NSMCE1: variants seen among roughly 807,000 people sequenced by gnomAD.
The protein encoded by NSMCE1 is NSE1 component of SMC5/6 complex.
Under a neutral mutation model 29.6 loss-of-function variants are expected in NSMCE1, and 18 were observed. That is an observed-to-expected ratio of 0.61 (90% CI 0.42 to 0.90). NSMCE1 has a LOEUF of 0.90. Among genes scored for constraint, NSMCE1 ranks in the 40% least tolerant of loss-of-function variants. The probability of loss-of-function intolerance (pLI) is 0.00; values close to 1 mark genes in which losing one functional copy is unlikely to be tolerated. For missense variants in NSMCE1, 314 were observed against 343.6 expected, an observed-to-expected ratio of 0.91 and a Z score of 0.68; for synonymous variants, 124 against 133.4, an observed-to-expected ratio of 0.93 and a Z score of 0.49.
chr16:27,226,001 C>T, intron 6 of NSMCE1, 155 bp from the exon 7 acceptor site: 1 of 804,172 alleles, frequency 1.2e-6, no homozygotes, highest in Non-Finnish European at 1.9e-6. Context: ...CGCCTTAGTG[C>T]AGTGGAGTCT....
At chr16:27,259,157 C>T (rs1461483672) in intron 1 of NSMCE1, among the ~76,000 whole-genome samples, 1 of 152,104 alleles carries the variant, frequency 6.6e-6, no homozygotes, top group Non-Finnish European at 1.5e-5. Flanking sequence ...TCCATCTCAC[C>T]AAATCTGCAC....
At chr16:27,233,172 C>G (rs1301222148) in intron 4 of NSMCE1, 25 bp from the exon 5 acceptor site, 1 of 1,600,614 alleles carries the variant, frequency 6.2e-7, no homozygotes, top group East Asian at 2.2e-5. Context: ...AGGTATCATG[C>G]TCATCTATTA....
chr16:27,238,050 C>T (rs2083845578), intron 2 of NSMCE1, among the ~76,000 whole-genome samples: 1 of 152,150 alleles, frequency 6.6e-6, no homozygotes, highest in South Asian at 2.1e-4. Flanking sequence ...CCTTGCAGCT[C>T]CTCTTAATCG....
chr16:27,226,253 G>C, intron 6 of NSMCE1: 1 of 222,706 alleles, frequency 4.5e-6, no homozygotes, highest in South Asian at 6.9e-5. Context: ...GGATACAGGT[G>C]TACGAGGCCC....
intron 5 of NSMCE1, among the ~76,000 whole-genome samples, chr16:27,231,972 C>A (rs2140988869): frequency 6.6e-6 from 1 of 152,314 alleles, no homozygotes; most frequent in Admixed American, 6.5e-5. Flanking sequence ...CCAGCCCTGC[C>A]CTCACCCCAT....
At position 27,225,015 on chromosome 16, in the gene NSMCE1, T is replaced by G. The variant is rs1596665230; in HGVS notation, c.*142A>C. 1 of 609,472 alleles carries G rather than the reference T, an allele frequency of 1.6e-6. No individual in the cohort carries two copies. 37.8% of individuals were successfully genotyped at this position (609,472 alleles called of 1,614,324 possible). A position where few individuals can be genotyped will look rare whatever the true frequency, so the allele number is the denominator to read the frequency against. On this transcript the variant is annotated 3_prime_UTR_variant, in exon 8 of 8. Transcript: ENST00000361439. Reference sequence around the variant, plus strand: ...GGGCTGCAGCAACTTCCCAGGATGGTTTATTCCAAAGCTGTGGACGGTGAA... The same window carrying G: ...GGGCTGCAGCAACTTCCCAGGATGGGTTATTCCAAAGCTGTGGACGGTGAA...
At chr16:27,245,429 A>T (rs1410637829) in intron 2 of NSMCE1, among the ~76,000 whole-genome samples, 1 of 152,202 alleles carries the variant, frequency 6.6e-6, no homozygotes, top group African/African-American at 2.4e-5. Flanking sequence ...CAAACACATG[A>T]TGTGTGTGCT....
chr16:27,226,033 G>A, intron 6 of NSMCE1, 187 bp from the exon 7 acceptor site: 1 of 651,170 alleles, frequency 1.5e-6, no homozygotes, highest in Non-Finnish European at 2.5e-6. Context: ...GCTGCTTGTT[G>A]CGGTGGGTTT....
intron 2 of NSMCE1, among the ~76,000 whole-genome samples, chr16:27,251,159 A>AATATGTATAT (rs2084024304): frequency 3.0e-5 from 2 of 65,780 alleles, no homozygotes; most frequent in Non-Finnish European, 5.1e-5. Context: ...AATTATTTAA[A>AATATGTATAT]ATATATATAT....
intron 2 of NSMCE1, among the ~76,000 whole-genome samples, chr16:27,239,949 T>C (rs1453490282): frequency 1.5e-5 from 2 of 136,626 alleles, no homozygotes; most frequent in Admixed American, 1.4e-4. Flanking sequence ...ATGATTACCT[T>C]ATTATGTGCC....
chr16:27,237,597 C>T (rs1369475223), intron 2 of NSMCE1, among the ~76,000 whole-genome samples: 1 of 150,564 alleles, frequency 6.6e-6, no homozygotes, highest in Non-Finnish European at 1.5e-5. Context: ...GTGACAGGAA[C>T]CCTGTCCACC....
At chr16:27,246,657 T>A (rs985766331) in intron 2 of NSMCE1, among the ~76,000 whole-genome samples, 1 of 152,112 alleles carries the variant, frequency 6.6e-6, no homozygotes, top group Non-Finnish European at 1.5e-5. Context: ...GCCCGACTAA[T>A]TTTTTTATTT....
In NSMCE1 at chr16:27,225,854, A is replaced by G. The variant is rs779030888; in HGVS notation, c.601-8T>C. 6.8e-6 allele frequency: 11 copies of G among 1,613,800 alleles called. No individual in the cohort carries two copies. The highest frequency in any genetic ancestry group is 8.5e-6 in the Non-Finnish European group (10 of 1,180,002). ...GGTTTCGCAGCTTTGACCCTGAAAC[A>G]GGAAAGGCCAATGACGGCGGAGCTG... On this transcript the variant is annotated splice_polypyrimidine_tract_variant and splice_region_variant and intron_variant, in intron 6 of 7. Coordinates refer to ENST00000361439, the MANE Select transcript of NSMCE1 (RefSeq NM_145080.4).
In NSMCE1 at chr16:27,233,100, G is replaced by A. The variant is rs1285816360; in HGVS notation, c.384C>T (p.Asn128=). The A allele has an allele frequency of 6.2e-7, 1 of 1,613,968 alleles. No individual in the cohort carries two copies. Among genetic ancestry groups the A allele is most frequent in the Admixed American group, 1.7e-5 (1 of 59,992 alleles). ...TAAGTTGATCAACCAGGTTCAATATGTTTGTGGAAGACGCAAAGCCGGTTT... is the reference window on the plus strand; with the variant it reads ...TAAGTTGATCAACCAGGTTCAATATATTTGTGGAAGACGCAAAGCCGGTTT... ...DSETGFASST[N]ILNLVDQLKG... The change falls in exon 5 of 8, where the codon AAC becomes AAT. Residue 128 remains asparagine, a synonymous_variant. Transcript: ENST00000361439.
At chr16:27,255,294 T>A (rs755064717) in intron 2 of NSMCE1, among the ~76,000 whole-genome samples, 2 of 152,220 alleles carry the variant, frequency 1.3e-5, no homozygotes, top group Non-Finnish European at 2.9e-5. Flanking sequence ...GCGGCGCATC[T>A]ACCTTCACCA....
At chr16:27,241,693 CG>C (rs1269205702) in intron 2 of NSMCE1, 1 of 256,580 alleles carries the variant, frequency 3.9e-6, no homozygotes, top group Admixed American at 4.4e-5. Flanking sequence ...TGGGAAGAGC[CG>C]GGTGGAAGGA....
chr16:27,241,943 A>C (rs1464112421), intron 2 of NSMCE1: 1 of 393,674 alleles, frequency 2.5e-6, no homozygotes, highest in Non-Finnish European at 5.2e-6. Flanking sequence ...ATGTCTGGCC[A>C]TTAGCTGGAT....
chr16:27,252,277 TGAG>T (rs2084042850), intron 2 of NSMCE1, among the ~76,000 whole-genome samples: 1 of 152,006 alleles, frequency 6.6e-6, no homozygotes. Flanking sequence ...CCCCAATATC[TGAG>T]GAGAAGAGAG....
chr16:27,228,185 C>T (rs2083722914), intron 5 of NSMCE1, among the ~76,000 whole-genome samples: 1 of 152,150 alleles, frequency 6.6e-6, no homozygotes, highest in Admixed American at 6.5e-5. Context: ...GCTCACAGTG[C>T]GTTCGCTCTG....
Sources: gnomAD v4.1 joint callset for allele counts (sites outside exome capture counted in the v4.1 genomes callset) on GRCh38, gnomAD v4.1.1 for gene constraint, MANE v1.5 for transcripts, NCBI Gene and HGNC (gene_info 2026-07-23, HGNC 2026-07-21) for gene names.